The following CD1B variants were observed in gnomAD, a reference collection of about 807,000 sequenced individuals.
CD1B encodes the protein T-cell surface glycoprotein CD1b.
Under a neutral mutation model 39.8 loss-of-function variants are expected in CD1B, and 43 were observed. The ratio of observed to expected loss-of-function variants is 1.08; its 90% CI spans 0.85 to 1.39. CD1B has a LOEUF of 1.39. Among genes scored for constraint, CD1B ranks in the 40% most tolerant of loss-of-function variants. The pLI is 0.00. For synonymous variants in CD1B, 192 were observed against 152.5 expected (o/e 1.26, Z -1.91); for missense variants, 495 against 403.8 (o/e 1.23, Z -1.94).
chr1:158,293,198 T>C, the CD1B span: 1 of 1,596,992 alleles, frequency 6.3e-7, no homozygotes, highest in Non-Finnish European at 8.6e-7. Flanking sequence ...CATGTATCTT[T>C]CCAATATGTG....
At chr1:158,301,048 G>A in the CD1B span, among the ~76,000 whole-genome samples, 3 of 151,732 alleles carry the variant, frequency 2.0e-5, no homozygotes, top group South Asian at 2.1e-4. Context: ...GTGAGCCACC[G>A]TGCCTTTGTC....
chr1:158,288,953 T>G, the CD1B span, among the ~76,000 whole-genome samples: 1 of 152,234 alleles, frequency 6.6e-6, no homozygotes, highest in Admixed American at 6.5e-5. Context: ...AATTTGGATT[T>G]TTGTGGTCTC....
At chr1:158,319,952 G>A in the CD1B span, among the ~76,000 whole-genome samples, 1 of 152,174 alleles carries the variant, frequency 6.6e-6, no homozygotes, top group Non-Finnish European at 1.5e-5. Flanking sequence ...CTGCTGGGGG[G>A]TGCCTCCCAG....
the CD1B span, among the ~76,000 whole-genome samples, chr1:158,298,346 A>G: frequency 1.3e-5 from 2 of 152,208 alleles, no homozygotes; most frequent in African/African-American, 2.4e-5. Context: ...TCAAGAGAGA[A>G]CACTGATAAA....
the CD1B span, among the ~76,000 whole-genome samples, chr1:158,298,027 G>T: frequency 6.6e-6 from 1 of 151,244 alleles, no homozygotes; most frequent in Non-Finnish European, 1.5e-5. Context: ...ACACCCATAG[G>T]CCAAAACTAA....
the CD1B span, among the ~76,000 whole-genome samples, chr1:158,316,144 C>CT: frequency 4.7e-4 from 72 of 152,044 alleles, 1 homozygote; most frequent in East Asian, 0.013. Context: ...AATGCGGGCT[C>CT]TTTTTTGGTT....
At chr1:158,301,717 C>T in the CD1B span, among the ~76,000 whole-genome samples, 48,230 of 151,814 alleles carry the variant, frequency 0.32, 8,185 homozygotes, top group African/African-American at 0.43. Context: ...CTGCCCTTAA[C>T]GTTTTTCCTT....
chr1:158,304,001 C>T, the CD1B span, among the ~76,000 whole-genome samples: 1 of 152,052 alleles, frequency 6.6e-6, no homozygotes, highest in Admixed American at 6.5e-5. Flanking sequence ...TAGTCTAGAG[C>T]TCCCAGCATG....
the CD1B span, chr1:158,292,100 G>A: frequency 6.2e-7 from 1 of 1,613,988 alleles, no homozygotes; most frequent in Non-Finnish European, 8.5e-7. Context: ...TTGAAGTACA[G>A]GTGAAAGCGG....
chr1:158,318,223 A>G, the CD1B span, among the ~76,000 whole-genome samples: 1 of 152,056 alleles, frequency 6.6e-6, no homozygotes, highest in Non-Finnish European at 1.5e-5. Flanking sequence ...ATCCTTGTTG[A>G]CTTTCTGTCT....
the CD1B span, among the ~76,000 whole-genome samples, chr1:158,304,424 G>A: frequency 6.6e-6 from 1 of 152,142 alleles, no homozygotes; most frequent in Non-Finnish European, 1.5e-5. Context: ...GGCTTGAGTA[G>A]GTAAACAAAG....
At chr1:158,319,870 TC>T in the CD1B span, among the ~76,000 whole-genome samples, 1 of 152,220 alleles carries the variant, frequency 6.6e-6, no homozygotes, top group Non-Finnish European at 1.5e-5. Context: ...TTGTTAGTTT[TC>T]CTTCTAACAG....
chr1:158,326,017 TGGAG>T (rs1652339081), downstream of CD1B, among the ~76,000 whole-genome samples: 1 of 152,234 alleles, frequency 6.6e-6, no homozygotes, highest in Non-Finnish European at 1.5e-5. Flanking sequence ...TTGCCCAAGC[TGGAG>T]TGCAGTGGCG....
the CD1B span, among the ~76,000 whole-genome samples, chr1:158,315,298 CCACATCCTCCCCAG>C: frequency 6.6e-6 from 1 of 152,104 alleles, no homozygotes; most frequent in Non-Finnish European, 1.5e-5. Context: ...TCCTATTTCT[CCACATCCTCCCCAG>C]CACCTGTTGT....
At chr1:158,323,221 A>G (rs1168110134), downstream of CD1B, among the ~76,000 whole-genome samples, 2 of 151,882 alleles carry the variant, frequency 1.3e-5, no homozygotes, top group Non-Finnish European at 2.9e-5. Flanking sequence ...TATTTCAAAT[A>G]GTCTATCTTA....
At chr1:158,314,701 A>G in the CD1B span, among the ~76,000 whole-genome samples, 9 of 151,510 alleles carry the variant, frequency 5.9e-5, no homozygotes, top group East Asian at 1.7e-3. Flanking sequence ...TAATGTGCAC[A>G]TTGTGCATGT....
the CD1B span, among the ~76,000 whole-genome samples, chr1:158,310,974 C>T: frequency 4.6e-5 from 7 of 152,092 alleles, no homozygotes; most frequent in East Asian, 3.9e-4. Context: ...ACCTGTGTGA[C>T]GAAACATTCT....
chr1:158,301,046 C>A, the CD1B span, among the ~76,000 whole-genome samples: 1 of 151,870 alleles, frequency 6.6e-6, no homozygotes, highest in Admixed American at 6.6e-5. Flanking sequence ...GTGTGAGCCA[C>A]CGTGCCTTTG....
chr1:158,306,050 C>A, the CD1B span, among the ~76,000 whole-genome samples: 1 of 152,134 alleles, frequency 6.6e-6, no homozygotes, highest in African/African-American at 2.4e-5. Context: ...CACCTAACAT[C>A]ATAATGACAG....
Sources: allele counts gnomAD v4.1 joint callset (sites outside exome capture counted in the v4.1 genomes callset), GRCh38; gene constraint gnomAD v4.1.1; transcripts MANE v1.5; gene names NCBI Gene and HGNC (gene_info 2026-07-23, HGNC 2026-07-21).